The following AGO3 variants were observed in gnomAD, a reference collection of about 807,000 sequenced individuals.
AGO3 encodes the protein protein argonaute-3.
In AGO3, 16 loss-of-function variants were observed where a neutral mutation model predicts 105.5. The observed-to-expected ratio is 0.15, with a 90% CI of 0.10 to 0.23. AGO3 has a LOEUF of 0.23. AGO3 is among the 10% of genes least tolerant of loss of function. The probability of loss-of-function intolerance (pLI) is 1.00; values close to 1 mark genes in which losing one functional copy is unlikely to be tolerated. For synonymous variants in AGO3, 340 were observed against 367.3 expected (o/e 0.93, Z 0.85); for missense variants, 534 against 1,088.0 (o/e 0.49, Z 7.16).
intron 11 of AGO3, among the ~76,000 whole-genome samples, chr1:36,020,114 A>G (rs769432597): frequency 6.6e-5 from 10 of 152,170 alleles, no homozygotes; most frequent in Non-Finnish European, 1.3e-4. Flanking sequence ...CATGGAATAC[A>G]GCTTCTAGTA....
At chr1:35,953,016 T>C (rs1646501539) in intron 2 of AGO3, among the ~76,000 whole-genome samples, 1 of 152,242 alleles carries the variant, frequency 6.6e-6, no homozygotes, top group Admixed American at 6.5e-5. Context: ...CTATAAACAT[T>C]CATGTACAGG....
Position 35,961,193 on chromosome 1 carries a change from C to T in AGO3, c.192-5762C>T, listed in dbSNP as rs567328484. 8.6e-4 allele frequency among the ~76,000 whole-genome samples: 130 copies of T among 152,006 alleles called. 1 individual carries two copies. The highest frequency in any genetic ancestry group is 3.7e-3 in the Admixed American group (57 of 15,254). On this transcript the variant is annotated intron_variant, in intron 2 of 18. Coordinates refer to ENST00000373191, the MANE Select transcript of AGO3 (RefSeq NM_024852.4). Reference sequence around the variant, plus strand: ...GTCTCAATCTCCTGACCTCTTGATCCGCCTGCCTCGGCCCCCCAAAGTGGT... The same window carrying T: ...GTCTCAATCTCCTGACCTCTTGATCTGCCTGCCTCGGCCCCCCAAAGTGGT...
intron 2 of AGO3, among the ~76,000 whole-genome samples, chr1:35,953,983 T>A (rs1300847422): frequency 6.6e-6 from 1 of 152,238 alleles, no homozygotes; most frequent in Admixed American, 6.5e-5. Context: ...ACTTTTAAAA[T>A]TTTGATGATG....
intron 2 of AGO3, among the ~76,000 whole-genome samples, chr1:35,953,702 G>A (rs1438132806): frequency 6.6e-6 from 1 of 151,868 alleles, no homozygotes; most frequent in African/African-American, 2.4e-5. Flanking sequence ...AGTAGAGATG[G>A]GGTTTCACTA....
chr1:35,943,522 A>G (rs1037108722), intron 1 of AGO3, among the ~76,000 whole-genome samples: 2 of 150,726 alleles, frequency 1.3e-5, no homozygotes, highest in South Asian at 4.2e-4. Context: ...GCTGGTCTTG[A>G]ACTCCCAACC....
chr1:36,045,394 G>A lies in AGO3; in HGVS notation c.2274+1846G>A, dbSNP rs551082923. 4.0e-5 allele frequency among the ~76,000 whole-genome samples: 6 copies of A among 151,702 alleles called. No individual in the cohort carries two copies. In the East Asian group the frequency reaches 1.2e-3, roughly 30 times the overall value. ...CCACCACCATGCCGAGCTAATTTTTGCATTTTTAGTAGAGATGGGATTTCA... is the reference window on the plus strand; with the variant it reads ...CCACCACCATGCCGAGCTAATTTTTACATTTTTAGTAGAGATGGGATTTCA... On this transcript the variant is annotated intron_variant, in intron 17 of 18. Coordinates refer to ENST00000373191, the MANE Select transcript of AGO3 (RefSeq NM_024852.4).
intron 12 of AGO3, among the ~76,000 whole-genome samples, chr1:36,029,394 T>TC (rs1282196284): frequency 3.5e-5 from 5 of 142,948 alleles, no homozygotes; most frequent in African/African-American, 1.0e-4. Flanking sequence ...TTTCTTTCTT[T>TC]TTTTTTTTTT....
intron 11 of AGO3, among the ~76,000 whole-genome samples, chr1:36,026,093 A>G (rs1477588894): frequency 1.3e-5 from 2 of 151,848 alleles, no homozygotes; most frequent in Non-Finnish European, 2.9e-5. Flanking sequence ...ATCAAAGTAC[A>G]TTAAAATGCT....
chr1:36,002,122 C>T (rs938985119), intron 5 of AGO3, among the ~76,000 whole-genome samples: 2 of 152,068 alleles, frequency 1.3e-5, no homozygotes, highest in Non-Finnish European at 1.5e-5. Flanking sequence ...TGGGTTCAGG[C>T]GATTCTCTGG....
rs1641552892 is a variant in AGO3, at chr1:36,027,420, A to G, written c.1591+122A>G. ...ATTTTATGATACAGTATTTAAAACCATGTATTATTACTTGAAGACAAATTA... is the reference window on the plus strand; with the variant it reads ...ATTTTATGATACAGTATTTAAAACCGTGTATTATTACTTGAAGACAAATTA... On this transcript the variant is annotated intron_variant, in intron 12 of 18. Coordinates refer to ENST00000373191, the MANE Select transcript of AGO3 (RefSeq NM_024852.4). This position sits in a 1 kb window ranked among gnomAD's most constrained non-coding sequence, Gnocchi z 4.0. The G allele has an allele frequency of 1.1e-6, 1 of 950,706 alleles. No individual in the cohort carries two copies. Among genetic ancestry groups the G allele is most frequent in the Non-Finnish European group, 1.5e-6 (1 of 682,504 alleles). 58.9% of individuals were successfully genotyped at this position (950,706 alleles called of 1,614,324 possible). A position where few individuals can be genotyped will look rare whatever the true frequency, so the allele number is the denominator to read the frequency against.
chr1:35,985,691 C>A (rs1244718274), intron 5 of AGO3, among the ~76,000 whole-genome samples: 1 of 152,144 alleles, frequency 6.6e-6, no homozygotes. Context: ...CTTCAAAATT[C>A]TTTTAGGATA....
At chr1:35,974,232 T>A (rs1646918403) in intron 5 of AGO3, among the ~76,000 whole-genome samples, 2 of 152,156 alleles carry the variant, frequency 1.3e-5, no homozygotes, top group African/African-American at 4.8e-5. Flanking sequence ...CAATCAGATT[T>A]CCCTGATTGT....
At chr1:35,986,463 C>T (rs1040007364) in intron 5 of AGO3, among the ~76,000 whole-genome samples, 6 of 151,684 alleles carry the variant, frequency 4.0e-5, no homozygotes, top group Non-Finnish European at 8.8e-5. Flanking sequence ...CAGAGGCCTT[C>T]GGATCATATG....
intron 17 of AGO3, among the ~76,000 whole-genome samples, chr1:36,049,973 AC>A (rs1311409611): frequency 6.6e-6 from 1 of 152,238 alleles, no homozygotes; most frequent in African/African-American, 2.4e-5. Context: ...GTAGTTGAGA[AC>A]TTCAACACCC....
chr1:36,005,432 C>G (rs1414931703), intron 6 of AGO3, among the ~76,000 whole-genome samples: 1 of 152,170 alleles, frequency 6.6e-6, no homozygotes, highest in East Asian at 1.9e-4. Flanking sequence ...AAGATCCACC[C>G]TGCTTTGAAA....
At chr1:35,974,268 C>G (rs1006692233) in intron 5 of AGO3, among the ~76,000 whole-genome samples, 1 of 151,120 alleles carries the variant, frequency 6.6e-6, no homozygotes, top group African/African-American at 2.4e-5. Flanking sequence ...TTCTTGTTAG[C>G]TGGTTCTAAT....
intron 2 of AGO3, among the ~76,000 whole-genome samples, chr1:35,949,770 A>G (rs183283818): frequency 6.6e-6 from 1 of 152,244 alleles, no homozygotes; most frequent in African/African-American, 2.4e-5. Context: ...TACAGGCACC[A>G]CCACACCAAG....
chr1:36,022,863 C>G (rs1042265008), intron 11 of AGO3, among the ~76,000 whole-genome samples: 8 of 146,352 alleles, frequency 5.5e-5, no homozygotes, highest in African/African-American at 2.1e-4. Context: ...ACCTGGGAAG[C>G]AGAGGTTTGA....
At chr1:35,945,445 A>G (rs1162319886) in intron 1 of AGO3, among the ~76,000 whole-genome samples, 1 of 152,038 alleles carries the variant, frequency 6.6e-6, no homozygotes, top group African/African-American at 2.4e-5. Context: ...GGTTTGTGTG[A>G]TTGTTCTTCC....
Sources: gnomAD v4.1 joint callset for allele counts (sites outside exome capture counted in the v4.1 genomes callset) on GRCh38, gnomAD v4.1.1 for gene constraint, Gnocchi (gnomAD v3.1) non-coding constraint, MANE v1.5 for transcripts, NCBI Gene and HGNC (gene_info 2026-07-23, HGNC 2026-07-21) for gene names.